Variants in CDH13 observed in about 807,000 individuals in gnomAD.
CDH13 encodes cadherin-13.
A neutral mutation model predicts 63.8 loss-of-function variants in CDH13; 24 were observed. The observed-to-expected ratio is 0.38, with a 90% confidence interval of 0.27 to 0.53. The LOEUF (loss-of-function observed/expected upper bound fraction) is 0.53, where lower values mean the gene tolerates loss of function less well. CDH13 is among the 20% of genes least tolerant of loss of function. The pLI is 0.85. For missense variants in CDH13, 1,049 were observed against 903.1 expected (o/e 1.16, Z -2.07); for synonymous variants, 503 against 355.3 (o/e 1.42, Z -4.67).
At position 83,796,200 on chromosome 16, in the gene CDH13, C is replaced by T. The variant is rs17707862; in HGVS notation, c.*1170C>T. 28,811 of 152,288 alleles carry T rather than the reference C, an allele frequency of 0.19. 3,039 individuals carry two copies. The highest frequency in any genetic ancestry group is 0.24 in the Non-Finnish European group (16,576 of 67,994). The allele number at this position is 152,288 out of a possible 1,614,324, so 9.4% of individuals were successfully genotyped here. On this transcript the variant is annotated 3_prime_UTR_variant, in exon 14 of 14. Coordinates refer to ENST00000567109, the MANE Select transcript of CDH13 (RefSeq NM_001257.5). ...TAAAAGCGGAAAGTTAGTGCTTGTT[C>T]TAAGATTACCTTCTTGTTGATAAAC...
chr16:82,674,418 G>T (rs1162464417), intron 1 of CDH13, among the ~76,000 whole-genome samples: 1 of 152,144 alleles, frequency 6.6e-6, no homozygotes, highest in Non-Finnish European at 1.5e-5. Flanking sequence ...GCAAATGAAG[G>T]GGCATGAGAA....
chr16:83,734,756 A>AATAATAAT (rs1555522520), intron 10 of CDH13, among the ~76,000 whole-genome samples: 7 of 53,030 alleles, frequency 1.3e-4, no homozygotes, highest in Non-Finnish European at 2.4e-4. Context: ...ATAATAATAA[A>AATAATAAT]AACAGGGATT....
chr16:82,706,631 C>A (rs1292418964), intron 1 of CDH13, among the ~76,000 whole-genome samples: 2 of 149,324 alleles, frequency 1.3e-5, no homozygotes, highest in East Asian at 3.9e-4. Context: ...CCCGTCTCTA[C>A]TAAAACTAAA....
At chr16:83,673,344 C>G (rs1914680159) in intron 9 of CDH13, among the ~76,000 whole-genome samples, 1 of 152,192 alleles carries the variant, frequency 6.6e-6, no homozygotes, top group African/African-American at 2.4e-5. Flanking sequence ...GCCTCTGAAT[C>G]TACCAATCTC....
chr16:83,619,878 A>G (rs143610718), intron 8 of CDH13, among the ~76,000 whole-genome samples: 4 of 152,184 alleles, frequency 2.6e-5, no homozygotes, highest in African/African-American at 9.7e-5. Flanking sequence ...GTGACACAGA[A>G]GTGGAGGATG....
chr16:83,199,355 C>G (rs2038961962), intron 4 of CDH13, among the ~76,000 whole-genome samples: 2 of 152,186 alleles, frequency 1.3e-5, no homozygotes, highest in Admixed American at 1.3e-4. Context: ...CTTTGTTATC[C>G]AGGAGTTGGC....
intron 1 of CDH13, among the ~76,000 whole-genome samples, chr16:82,715,438 C>T (rs1210961906): frequency 6.6e-6 from 1 of 152,108 alleles, no homozygotes; most frequent in East Asian, 1.9e-4. Flanking sequence ...AGAGTAGGTT[C>T]TGCTTTATTG....
chr16:83,041,816 C>T (rs1050540918), intron 3 of CDH13, among the ~76,000 whole-genome samples: 2 of 152,212 alleles, frequency 1.3e-5, no homozygotes, highest in African/African-American at 4.8e-5. Context: ...ACATAATACT[C>T]TGGCCTTGTG....
At chr16:82,911,161 C>G (rs1170759242) in intron 2 of CDH13, among the ~76,000 whole-genome samples, 1 of 152,210 alleles carries the variant, frequency 6.6e-6, no homozygotes, top group Non-Finnish European at 1.5e-5. Flanking sequence ...TCACTGCATT[C>G]CATAGTTTCC....
At chr16:83,749,798 T>G (rs968895483) in intron 11 of CDH13, among the ~76,000 whole-genome samples, 7 of 152,216 alleles carry the variant, frequency 4.6e-5, no homozygotes, top group Admixed American at 4.6e-4. Flanking sequence ...TCCTAACTGT[T>G]CTGATGGAGC....
intron 6 of CDH13, among the ~76,000 whole-genome samples, chr16:83,388,953 T>A (rs147845276): frequency 6.6e-6 from 1 of 152,272 alleles, no homozygotes; most frequent in Non-Finnish European, 1.5e-5. Context: ...TTTTCAAACT[T>A]GGCTGATGAT....
intron 2 of CDH13, among the ~76,000 whole-genome samples, chr16:82,928,256 A>G (rs1207790610): frequency 6.6e-6 from 1 of 152,040 alleles, no homozygotes; most frequent in African/African-American, 2.4e-5. Flanking sequence ...GCTGTCTTCT[A>G]ATTCATTTGA....
intron 6 of CDH13, among the ~76,000 whole-genome samples, chr16:83,410,231 A>G (rs1475521680): frequency 4.6e-5 from 7 of 152,194 alleles, no homozygotes; most frequent in African/African-American, 1.4e-4. Context: ...CTCTAAATAG[A>G]CAAGGTTCAA....
chr16:82,820,188 C>G (rs528989369), intron 1 of CDH13, among the ~76,000 whole-genome samples: 1 of 152,122 alleles, frequency 6.6e-6, no homozygotes, highest in Non-Finnish European at 1.5e-5. Flanking sequence ...TACTGCTCCT[C>G]TTTAAAATGA....
chr16:83,592,354 C>T (rs1241056094), intron 7 of CDH13, among the ~76,000 whole-genome samples: 1 of 152,224 alleles, frequency 6.6e-6, no homozygotes, highest in Non-Finnish European at 1.5e-5. Context: ...GTTCATCTCT[C>T]TGGACCAGAA....
intron 8 of CDH13, among the ~76,000 whole-genome samples, chr16:83,646,330 C>T (rs1329421622): frequency 6.6e-6 from 1 of 152,174 alleles, no homozygotes; most frequent in Non-Finnish European, 1.5e-5. Context: ...TGTATGTAAT[C>T]GTTAGCTGTG....
intron 11 of CDH13, among the ~76,000 whole-genome samples, chr16:83,765,709 A>G (rs1346239774): frequency 2.6e-5 from 4 of 152,164 alleles, no homozygotes; most frequent in African/African-American, 9.7e-5. Context: ...GAAAAACCAT[A>G]TTAAAGAGAA....
At chr16:83,444,427 A>G (rs541785758) in intron 6 of CDH13, among the ~76,000 whole-genome samples, 13 of 152,216 alleles carry the variant, frequency 8.5e-5, no homozygotes, top group Non-Finnish European at 1.8e-4. Context: ...TTGCTCAAGG[A>G]CAATACTTCT....
chr16:83,585,981 C>G (rs953374251), intron 7 of CDH13, among the ~76,000 whole-genome samples: 1 of 152,166 alleles, frequency 6.6e-6, no homozygotes, highest in African/African-American at 2.4e-5. Flanking sequence ...CAAAAGAATC[C>G]TCAACTGCAC....
Sources: allele counts gnomAD v4.1 joint callset (sites outside exome capture counted in the v4.1 genomes callset), GRCh38; gene constraint gnomAD v4.1.1; transcripts MANE v1.5; gene names NCBI Gene and HGNC (gene_info 2026-07-23, HGNC 2026-07-21).